Variants in CHST15 observed in about 807,000 individuals in gnomAD.
CHST15 encodes the protein B cell RAG associated protein (GALNAC4S-6ST).
A neutral mutation model predicts 53.6 loss-of-function variants in CHST15; 30 were observed. The ratio of observed to expected loss-of-function variants is 0.56; its 90% CI spans 0.42 to 0.76. The LOEUF (loss-of-function observed/expected upper bound fraction) is 0.76, where lower values mean the gene tolerates loss of function less well. CHST15 is among the 30% of genes least tolerant of loss of function. The pLI is 0.00. For synonymous variants in CHST15, 296 were observed against 289.8 expected, an observed-to-expected ratio of 1.02 and a Z score of -0.22; for missense variants, 627 against 740.5, an observed-to-expected ratio of 0.85 and a Z score of 1.78.
intron 7 of CHST15, chr10:124,011,634 C>A: frequency 1.0e-6 from 1 of 985,452 alleles, no homozygotes; most frequent in Non-Finnish European, 1.2e-6. Flanking sequence ...ACTCGCTCCG[C>A]CAGCACATGC....
intron 1 of CHST15, among the ~76,000 whole-genome samples, chr10:124,050,744 CA>C (rs1399972428): frequency 6.6e-6 from 1 of 152,088 alleles, no homozygotes; most frequent in African/African-American, 2.4e-5. Flanking sequence ...ACGTGGAGAC[CA>C]GGGGAAGCAA....
At position 124,007,926 on chromosome 10, in the gene CHST15, T is replaced by G. The variant is rs1946314433; in HGVS notation, c.*2223A>C. 1 of 1,231,994 alleles carries G rather than the reference T, an allele frequency of 8.1e-7. No individual in the cohort carries two copies. The highest frequency in any genetic ancestry group is 1.0e-6 in the Non-Finnish European group (1 of 987,970). 76.3% of individuals were successfully genotyped at this position (1,231,994 alleles called of 1,614,324 possible). ...CCACCGCCCAGAACGGAACCTATTCTGTCAGCAAGAGCCGGGCCTCGAATG... is the reference window on the plus strand; with the variant it reads ...CCACCGCCCAGAACGGAACCTATTCGGTCAGCAAGAGCCGGGCCTCGAATG... On this transcript the variant is annotated 3_prime_UTR_variant, in exon 8 of 8. Transcript: ENST00000435907.
At chr10:124,031,665 G>A (rs576775222) in intron 5 of CHST15, among the ~76,000 whole-genome samples, 14 of 152,080 alleles carry the variant, frequency 9.2e-5, no homozygotes, top group Non-Finnish European at 1.6e-4. Flanking sequence ...TCAGTTTATT[G>A]TTATTATTAG....
rs1338618028 is a variant in CHST15 at position 124,009,013 on chromosome 10, T to C, written c.*1136A>G. The C allele has an allele frequency of 4.7e-6, 6 of 1,289,164 alleles. No individual in the cohort carries two copies. Among genetic ancestry groups the C allele is most frequent in the South Asian group, 2.5e-5 (2 of 81,022 alleles). The allele number at this position is 1,289,164 out of a possible 1,614,324, so 79.9% of individuals were successfully genotyped here. A position where few individuals can be genotyped will look rare whatever the true frequency, so the allele number is the denominator to read the frequency against. On this transcript the variant is annotated 3_prime_UTR_variant, in exon 8 of 8. Transcript: ENST00000435907. ...GTTCAGCCCAAGTTCAGCTTGTGCA[T>C]TGTGTTTTGGAATTGGGACACGAGT...
chr10:124,022,037 C>A (rs1373023185), intron 5 of CHST15, among the ~76,000 whole-genome samples: 1 of 152,234 alleles, frequency 6.6e-6, no homozygotes, highest in Non-Finnish European at 1.5e-5. Flanking sequence ...TGTTCCTAGA[C>A]ACCACACACA....
At chr10:124,033,112 TGGGCTCAGA>T (rs1324381602) in intron 5 of CHST15, among the ~76,000 whole-genome samples, 2 of 152,222 alleles carry the variant, frequency 1.3e-5, no homozygotes, top group South Asian at 4.1e-4. Context: ...TGATGGAACT[TGGGCTCAGA>T]GTGTTTGTTT....
rs1946365402 is a variant in CHST15, at chr10:124,009,953, T to C, written c.*196A>G. ...CTCCAATGGCCTCGGATAGAGGAGC[T>C]CTGTGAGGGGTCCATTGCTGAGCTC... On this transcript the variant is annotated 3_prime_UTR_variant, in exon 8 of 8. Coordinates refer to ENST00000435907, the MANE Select transcript of CHST15 (RefSeq NM_001270764.2). 5 of 1,425,418 alleles carry C rather than the reference T, an allele frequency of 3.5e-6. No individual in the cohort carries two copies. In the South Asian group the frequency reaches 7.4e-5, roughly 21 times the overall value. 88.3% of individuals were successfully genotyped at this position (1,425,418 alleles called of 1,614,324 possible). A position where few individuals can be genotyped will look rare whatever the true frequency, so the allele number is the denominator to read the frequency against.
At chr10:124,064,672 C>G (rs1342085194) in intron 1 of CHST15, among the ~76,000 whole-genome samples, 1 of 152,020 alleles carries the variant, frequency 6.6e-6, no homozygotes, top group East Asian at 1.9e-4. Flanking sequence ...CCCGAGCCCC[C>G]ACTCCTGCTG....
intron 6 of CHST15, chr10:124,020,028 T>G (rs1385149674): frequency 1.0e-6 from 1 of 985,656 alleles, no homozygotes; most frequent in Admixed American, 6.1e-5. Flanking sequence ...GGTGGTTCTC[T>G]GGTGGCCAGA....
intron 1 of CHST15, among the ~76,000 whole-genome samples, chr10:124,049,271 A>C (rs1334887651): frequency 6.6e-6 from 1 of 152,236 alleles, no homozygotes; most frequent in African/African-American, 2.4e-5. Context: ...GGGTACTGGT[A>C]CACAGGTGCT....
chr10:124,062,907 C>A (rs1948629634), intron 1 of CHST15, among the ~76,000 whole-genome samples: 1 of 152,008 alleles, frequency 6.6e-6, no homozygotes, highest in Non-Finnish European at 1.5e-5. Flanking sequence ...AGCAGTTTCC[C>A]ATTTTCAAGA....
Position 124,036,910 on chromosome 10 carries a change from C to T in CHST15, c.1190+1605G>A, listed in dbSNP as rs568793982. On this transcript the variant is annotated intron_variant, in intron 5 of 7. Transcript: ENST00000435907. The surrounding 1 kb of genome is among the most constrained non-coding windows in gnomAD (Gnocchi z 5.1). ...CCGGGGCTGCCAGGACAAATCACCA[C>T]GAACTCGTGGTGCGTAATGACAGGA... Among the ~76,000 whole-genome samples the T allele has an allele frequency of 6.6e-5, 10 of 152,276 alleles. No homozygotes were observed. Among genetic ancestry groups the T allele is most frequent in the Admixed American group, 5.9e-4 (9 of 15,308 alleles).
chr10:124,054,847 C>T (rs1406633956), intron 1 of CHST15, among the ~76,000 whole-genome samples: 1 of 152,208 alleles, frequency 6.6e-6, no homozygotes, highest in Non-Finnish European at 1.5e-5. Flanking sequence ...CATCCCAAAA[C>T]ATGCCAAATT....
chr10:124,065,898 AG>A (rs1326673840), intron 1 of CHST15, among the ~76,000 whole-genome samples: 1 of 152,116 alleles, frequency 6.6e-6, no homozygotes. Flanking sequence ...CCAGGTACTG[AG>A]CTCAGGACAA....
intron 1 of CHST15, among the ~76,000 whole-genome samples, chr10:124,065,123 C>T (rs1480756688): frequency 1.3e-5 from 2 of 152,150 alleles, no homozygotes; most frequent in Non-Finnish European, 2.9e-5. Flanking sequence ...GTGGCTCTTG[C>T]CTGTAATTCC....
At chr10:124,017,750 A>G (rs1946635097) in intron 6 of CHST15, among the ~76,000 whole-genome samples, 1 of 152,204 alleles carries the variant, frequency 6.6e-6, no homozygotes, top group Non-Finnish European at 1.5e-5. Context: ...CTCCAGAGGA[A>G]GGCTGCCTCC....
chr10:124,012,528 A>G, intron 6 of CHST15, 48 bp from the exon 7 acceptor site: 1 of 1,565,096 alleles, frequency 6.4e-7, no homozygotes, highest in Non-Finnish European at 8.7e-7. Flanking sequence ...TTGCCCCAAC[A>G]CCATAGGGCA....
Position 124,046,139 on chromosome 10 carries a change from C to G in CHST15, c.74G>C (p.Gly25Ala). ...GAHKQQVNCQ[G>A]GPHHGHQACP... ...CGCCTGGTGACCGTGATGGGGGCCC[C>G]CTTGGCAGTTGACCTGCTGCTTGTG... Residue 25 changes from glycine to alanine, a missense_variant, in exon 2 of 8, where the codon GGG (glycine) becomes GCG (alanine). Physicochemically the swap from Gly to Ala is moderately conservative, Grantham distance 60. Around this residue, in one of 3 missense-constraint regions of CHST15, gnomAD observed 187 missense variants for 251.8 expected, o/e 0.74. Coordinates refer to ENST00000435907, the MANE Select transcript of CHST15 (RefSeq NM_001270764.2). The G allele has an allele frequency of 6.2e-7, 1 of 1,614,162 alleles. No individual in the cohort carries two copies. Among genetic ancestry groups the G allele is most frequent in the Non-Finnish European group, 8.5e-7 (1 of 1,180,022 alleles).
Position 124,009,014 on chromosome 10 carries a change from T to A in CHST15, c.*1135A>T, listed in dbSNP as rs1341033649. 7.8e-7 allele frequency: 1 copy of A among 1,289,170 alleles called. No homozygotes were observed. The allele number at this position is 1,289,170 out of a possible 1,614,324, so 79.9% of individuals were successfully genotyped here. A position where few individuals can be genotyped will look rare whatever the true frequency, so the allele number is the denominator to read the frequency against. On this transcript the variant is annotated 3_prime_UTR_variant, in exon 8 of 8. Coordinates refer to ENST00000435907, the MANE Select transcript of CHST15 (RefSeq NM_001270764.2). ...TTCAGCCCAAGTTCAGCTTGTGCAT[T>A]GTGTTTTGGAATTGGGACACGAGTA...
Sources: allele counts gnomAD v4.1 joint callset (sites outside exome capture counted in the v4.1 genomes callset), GRCh38; gene constraint gnomAD v4.1.1; regional missense constraint gnomAD v4.1.1; non-coding constraint Gnocchi (gnomAD v3.1); transcripts MANE v1.5; gene names NCBI Gene and HGNC (gene_info 2026-07-23, HGNC 2026-07-21).